The following KIAA0232 variants were observed in gnomAD, a reference collection of about 807,000 sequenced individuals.
The protein encoded by KIAA0232 is KIAA0232.
In KIAA0232, 27 loss-of-function variants were observed where a neutral mutation model predicts 122.0. The observed-to-expected ratio is 0.22, with a 90% CI of 0.16 to 0.31. The LOEUF is 0.31. Ranked by LOEUF, KIAA0232 falls within the 10% of genes least tolerant of loss-of-function variation. KIAA0232 has a pLI of 1.00. For missense variants in KIAA0232, 1,551 were observed against 1,634.2 expected (o/e 0.95, Z 0.88); for synonymous variants, 613 against 587.6 (o/e 1.04, Z -0.63).
intron 7 of KIAA0232, among the ~76,000 whole-genome samples, chr4:6,871,104 C>T (rs1424650217): frequency 6.6e-6 from 1 of 152,166 alleles, no homozygotes; most frequent in Non-Finnish European, 1.5e-5. Flanking sequence ...AACACGCTGG[C>T]TTTTAAAATG....
chr4:6,870,067 A>AGG (rs1420717390), intron 7 of KIAA0232, among the ~76,000 whole-genome samples: 2 of 152,302 alleles, frequency 1.3e-5, no homozygotes, highest in East Asian at 1.9e-4. Context: ...GGCACACTGA[A>AGG]GGGGGTTGCC....
intron 2 of KIAA0232, among the ~76,000 whole-genome samples, chr4:6,815,630 T>A (rs1718083458): frequency 6.6e-6 from 1 of 152,240 alleles, no homozygotes; most frequent in South Asian, 2.1e-4. Context: ...CACTGAAAAG[T>A]ACTGCATAGA....
At chr4:6,836,331 G>GTTTTTTT in intron 3 of KIAA0232, among the ~76,000 whole-genome samples, 9 of 142,610 alleles carry the variant, frequency 6.3e-5, no homozygotes, top group African/African-American at 2.4e-4. Context: ...TTTGTTTTTT[G>GTTTTTTT]TTTTGTTTTT....
chr4:6,813,906 G>A (rs1717995387), intron 2 of KIAA0232, among the ~76,000 whole-genome samples: 1 of 152,106 alleles, frequency 6.6e-6, no homozygotes, highest in Admixed American at 6.5e-5. Flanking sequence ...CTTGACGTCT[G>A]TTCTCGCCTT....
At chr4:6,799,337 T>C (rs1577357202) in intron 1 of KIAA0232, among the ~76,000 whole-genome samples, 1 of 150,420 alleles carries the variant, frequency 6.6e-6, no homozygotes, top group East Asian at 1.9e-4. Flanking sequence ...ACAGACCCTG[T>C]TTTCAAATAA....
In KIAA0232 at chr4:6,848,636, CAG is replaced by C. The variant is rs528929067; in HGVS notation, c.369+6433_369+6434del. Among the ~76,000 whole-genome samples, 24 of 152,342 alleles carry C rather than the reference CAG, an allele frequency of 1.6e-4. 1 individual carries two copies. The South Asian group carries it at 4.6e-3, about 29-fold the overall frequency. On this transcript the variant is annotated intron_variant, in intron 4 of 9. Transcript: ENST00000307659. ...GAACATCCACAGATTTTGGTATCCT[CAG>C]GGGGTCCTGGAAGCGACCCAATATA...
chr4:6,802,947 C>G (rs1260808459), intron 1 of KIAA0232, among the ~76,000 whole-genome samples: 1 of 134,082 alleles, frequency 7.5e-6, no homozygotes, highest in Non-Finnish European at 1.5e-5. Flanking sequence ...CACTTGAGGT[C>G]AAGAGTTCAG....
At chr4:6,795,021 G>A (rs996231236) in intron 1 of KIAA0232, among the ~76,000 whole-genome samples, 1 of 152,152 alleles carries the variant, frequency 6.6e-6, no homozygotes, top group African/African-American at 2.4e-5. Context: ...GGGACTAGAA[G>A]AGGTAAGCCA....
chr4:6,871,392 C>G (rs1365134065), intron 7 of KIAA0232, among the ~76,000 whole-genome samples, 182 bp from the exon 8 acceptor site: 1 of 152,160 alleles, frequency 6.6e-6, no homozygotes, highest in African/African-American at 2.4e-5. Context: ...CAAGATCGTG[C>G]CACTACACTC....
At chr4:6,838,275 G>A (rs1301205071) in intron 3 of KIAA0232, among the ~76,000 whole-genome samples, 1 of 149,222 alleles carries the variant, frequency 6.7e-6, no homozygotes, top group African/African-American at 2.5e-5. Flanking sequence ...TGCAGCCTCC[G>A]CCTCCCAGGC....
intron 2 of KIAA0232, among the ~76,000 whole-genome samples, chr4:6,809,339 T>C (rs1041577570): frequency 3.9e-5 from 6 of 152,208 alleles, no homozygotes; most frequent in African/African-American, 1.4e-4. Flanking sequence ...GAGACTTGCT[T>C]TGACTCATAA....
In KIAA0232 at chr4:6,871,568, A is replaced by G. The variant is rs1225755030; in HGVS notation, c.3802-6A>G. ...ACTTTTTCTGTATTTGGTTTAATCT[A>G]AACAGTTCCCTGTATTGAACACTGA... is the stretch of plus-strand genomic sequence containing the variant. On this transcript the variant is annotated splice_region_variant and splice_polypyrimidine_tract_variant and intron_variant, in intron 7 of 9. Transcript: ENST00000307659. 6.5e-7 allele frequency: 1 copy of G among 1,530,206 alleles called. No homozygotes were observed. Among genetic ancestry groups the G allele is most frequent in the Non-Finnish European group, 9.0e-7 (1 of 1,109,304 alleles). The allele number at this position is 1,530,206 out of a possible 1,614,324, so 94.8% of individuals were successfully genotyped here. A position where few individuals can be genotyped will look rare whatever the true frequency, so the allele number is the denominator to read the frequency against.
At chr4:6,814,144 T>G (rs1718007134) in intron 2 of KIAA0232, among the ~76,000 whole-genome samples, 1 of 152,178 alleles carries the variant, frequency 6.6e-6, no homozygotes, top group Admixed American at 6.5e-5. Flanking sequence ...GTAGTTTAAA[T>G]GTATGGAGAT....
chr4:6,879,419 T>C (rs1322848225), intron 9 of KIAA0232, among the ~76,000 whole-genome samples: 2 of 152,202 alleles, frequency 1.3e-5, no homozygotes, highest in Admixed American at 1.3e-4. Context: ...GATGTCACTT[T>C]GCTGTTGCAT....
At chr4:6,783,220 C>T (rs1295051523) in intron 1 of KIAA0232, among the ~76,000 whole-genome samples, 1 of 152,190 alleles carries the variant, frequency 6.6e-6, no homozygotes, top group Non-Finnish European at 1.5e-5. Context: ...CGGCCCCGAT[C>T]CTGGTGGTGC....
At chr4:6,846,146 T>A (rs924184395) in intron 4 of KIAA0232, among the ~76,000 whole-genome samples, 19 of 152,162 alleles carry the variant, frequency 1.2e-4, no homozygotes, top group African/African-American at 3.6e-4. Context: ...CAACGATTTT[T>A]AAAAATCTCA....
At chr4:6,785,503 CT>C (rs1716577866) in intron 1 of KIAA0232, among the ~76,000 whole-genome samples, 1 of 152,200 alleles carries the variant, frequency 6.6e-6, no homozygotes, top group Admixed American at 6.5e-5. Flanking sequence ...GGGATGATCA[CT>C]TGAGGGAAGA....
At chr4:6,879,062 T>C (rs1477486504) in intron 9 of KIAA0232, among the ~76,000 whole-genome samples, 1 of 152,138 alleles carries the variant, frequency 6.6e-6, no homozygotes, top group African/African-American at 2.4e-5. Flanking sequence ...TGTCAGCCAC[T>C]TCGCATCTCC....
At chr4:6,829,295 C>T (rs1718849082) in intron 3 of KIAA0232, among the ~76,000 whole-genome samples, 1 of 152,186 alleles carries the variant, frequency 6.6e-6, no homozygotes, top group Non-Finnish European at 1.5e-5. Context: ...CTTGGTTTAT[C>T]ATGGTTCAGA....
Sources: gnomAD v4.1 joint callset for allele counts (sites outside exome capture counted in the v4.1 genomes callset) on GRCh38, gnomAD v4.1.1 for gene constraint, MANE v1.5 for transcripts, NCBI Gene and HGNC (gene_info 2026-07-23, HGNC 2026-07-21) for gene names.